ARHGAP39: variants seen among roughly 807,000 people sequenced by gnomAD.
ARHGAP39 encodes rho GTPase-activating protein 39.
A neutral mutation model predicts 106.9 loss-of-function variants in ARHGAP39; 44 were observed. The ratio of observed to expected loss-of-function variants is 0.41; its 90% CI spans 0.32 to 0.53. The LOEUF (loss-of-function observed/expected upper bound fraction) is 0.53, where lower values mean the gene tolerates loss of function less well. Ranked by LOEUF, ARHGAP39 falls within the 20% of genes least tolerant of loss-of-function variation. The probability of loss-of-function intolerance (pLI) is 0.21; values close to 1 mark genes in which losing one functional copy is unlikely to be tolerated. For missense variants in ARHGAP39, 1,496 were observed against 1,577.3 expected (o/e 0.95, Z 0.87); for synonymous variants, 768 against 693.2 (o/e 1.11, Z -1.69).
chr8:144,671,566 C>T lies in ARHGAP39; in HGVS notation c.-82+14120G>A, dbSNP rs1000178055. ...GCCAACACTCCAGTCACAGAGCTGC[C>T]GGCTCCGGCCACACATCCCTCCCGC... On this transcript the variant is annotated intron_variant, in intron 1 of 11. Transcript: ENST00000377307. The surrounding 1 kb of genome is among the most constrained non-coding windows in gnomAD (Gnocchi z 4.5). 3.3e-5 allele frequency among the ~76,000 whole-genome samples: 5 copies of T among 152,206 alleles called. No homozygotes were observed. Among genetic ancestry groups the T allele is most frequent in the South Asian group, 2.1e-4 (1 of 4,834 alleles).
rs570384847 is a variant in ARHGAP39 at position 144,685,783 on chromosome 8, G to A, written c.-179C>T. Among the ~76,000 whole-genome samples, 9 of 147,746 alleles carry A rather than the reference G, an allele frequency of 6.1e-5. No individual in the cohort carries two copies. The South Asian group carries it at 1.9e-3, about 31-fold the overall frequency. On this transcript the variant is annotated 5_prime_UTR_variant, in exon 1 of 12. Coordinates refer to ENST00000377307, the MANE Select transcript of ARHGAP39 (RefSeq NM_025251.3). ...CGCTCCCCGGCCTCTCTGCTGCTCC[G>A]CCGCTGCTGCCGCGGCAGCCCGTGC...
intron 10 of ARHGAP39, among the ~76,000 whole-genome samples, chr8:144,531,243 A>C (rs144838165): frequency 6.7e-5 from 1 of 14,966 alleles, no homozygotes; most frequent in Non-Finnish European, 1.3e-4. Context: ...AGAAGGGCAC[A>C]GGGCAGCGAG....
intron 1 of ARHGAP39, among the ~76,000 whole-genome samples, chr8:144,667,950 C>G (rs893793315): frequency 6.6e-6 from 1 of 151,900 alleles, no homozygotes; most frequent in Non-Finnish European, 1.5e-5. Flanking sequence ...CTTCTTCTGA[C>G]AAAGCAATGT....
chr8:144,530,037 C>A lies in ARHGAP39; in HGVS notation c.*385G>T. 1 of 221,670 alleles carries A rather than the reference C, an allele frequency of 4.5e-6. No individual in the cohort carries two copies. Among genetic ancestry groups the A allele is most frequent in the Non-Finnish European group, 8.9e-6 (1 of 112,262 alleles). 13.7% of individuals were successfully genotyped at this position (221,670 alleles called of 1,614,324 possible). ...AGGACAGGAGAAAGGGAAGGAGAGA[C>A]CGGGGCGGCTGGGCAAGGCCCAGGC... On this transcript the variant is annotated 3_prime_UTR_variant, in exon 12 of 12. Transcript: ENST00000377307.
intron 2 of ARHGAP39, among the ~76,000 whole-genome samples, chr8:144,583,736 G>A (rs998571601): frequency 6.6e-6 from 1 of 152,188 alleles, no homozygotes; most frequent in African/African-American, 2.4e-5. Flanking sequence ...AGGTTACAGA[G>A]GTTTCTATTT....
intron 1 of ARHGAP39, among the ~76,000 whole-genome samples, chr8:144,637,867 T>TC (rs1367968483): frequency 1.3e-5 from 2 of 150,520 alleles, no homozygotes; most frequent in East Asian, 2.0e-4. Context: ...TTTCTTTCTT[T>TC]TTTTTTTTTT....
At chr8:144,601,892 T>C (rs1301523712) in intron 2 of ARHGAP39, among the ~76,000 whole-genome samples, 1 of 130,760 alleles carries the variant, frequency 7.6e-6, no homozygotes, top group African/African-American at 3.0e-5. Context: ...TGTGTGTCCA[T>C]GGAGGCGTGC....
At chr8:144,653,598 G>C (rs980773915) in intron 1 of ARHGAP39, among the ~76,000 whole-genome samples, 4 of 152,148 alleles carry the variant, frequency 2.6e-5, no homozygotes, top group African/African-American at 9.7e-5. Context: ...CACCCTCTCG[G>C]TCTCATCAAA....
Position 144,530,373 on chromosome 8 carries a change from G to T in ARHGAP39, c.*49C>A. ...TGCCGGGAGAGCGAGTGCGGAGTTC[G>T]GCCTGGCTGGGGGCGGCAGGACATC... On this transcript the variant is annotated 3_prime_UTR_variant, in exon 12 of 12. Transcript: ENST00000377307. 5 of 1,533,748 alleles carry T rather than the reference G, an allele frequency of 3.3e-6. No individual in the cohort carries two copies. In the Admixed American group the frequency reaches 5.7e-5, roughly 18 times the overall value.
At chr8:144,635,264 G>A (rs547688477) in intron 1 of ARHGAP39, among the ~76,000 whole-genome samples, 2 of 152,332 alleles carry the variant, frequency 1.3e-5, no homozygotes, top group South Asian at 4.1e-4. Flanking sequence ...ATGGGGGGAG[G>A]CGAAAGAGGC....
At position 144,541,106 on chromosome 8, in the gene ARHGAP39, C is replaced by T. The variant is rs142700005; in HGVS notation, c.2522-3293G>A. Among the ~76,000 whole-genome samples, 1,206 of 152,364 alleles carry T rather than the reference C, an allele frequency of 7.9e-3. 15 individuals carry two copies. Among genetic ancestry groups the T allele is most frequent in the African/African-American group, 0.027 (1,134 of 41,600 alleles). ...GCCTCAGTGATCCACCGGCCTCCGC[C>T]TCCCAAAGTGCTGGGATGACAGGCG... is the stretch of plus-strand genomic sequence containing the variant. On this transcript the variant is annotated intron_variant, in intron 6 of 11. Coordinates refer to ENST00000377307, the MANE Select transcript of ARHGAP39 (RefSeq NM_025251.3).
Position 144,601,610 on chromosome 8 carries a change from CTG to C in ARHGAP39, c.80+3923_80+3924del, listed in dbSNP as rs543552914. On this transcript the variant is annotated intron_variant, in intron 2 of 11. Transcript: ENST00000377307. ...GAGGTGTGTGTGCGAGCTCATGTAT[CTG>C]TGTGTGCATGGAGGCGTGCATGTGT... Among the ~76,000 whole-genome samples the C allele has an allele frequency of 2.2e-3, 245 of 110,422 alleles. 1 individual carries two copies. Among genetic ancestry groups the C allele is most frequent in the African/African-American group, 7.0e-3 (194 of 27,780 alleles). 72.4% of individuals were successfully genotyped at this position (110,422 alleles called of 152,430 possible).
chr8:144,533,841 CA>C (rs774562977), intron 8 of ARHGAP39, among the ~76,000 whole-genome samples: 1 of 151,956 alleles, frequency 6.6e-6, no homozygotes, highest in Non-Finnish European at 1.5e-5. Flanking sequence ...GCTCTTGGGA[CA>C]GGTCCAGGGA....
the ARHGAP39 span, among the ~76,000 whole-genome samples, chr8:144,696,246 CT>C: frequency 3.2e-4 from 48 of 152,268 alleles, no homozygotes; most frequent in Non-Finnish European, 5.4e-4. Flanking sequence ...TCAAGCGATT[CT>C]CATGCCTTAG....
In ARHGAP39 at chr8:144,547,969, G is replaced by A. The variant is rs1257610698; in HGVS notation, c.1117C>T (p.Leu373Phe). 1.2e-6 allele frequency: 2 copies of A among 1,607,034 alleles called. No individual in the cohort carries two copies. The highest frequency in any genetic ancestry group is 1.1e-5 in the South Asian group (1 of 90,424). ...GPPSPCQQLV[L>F]TKQKCPERFL... ...CGCTCGGGACACTTCTGCTTGGTGA[G>A]CACCAGCTGCTGGCAGGGCGAGGGG... Residue 373 changes from leucine (L) to phenylalanine (F), a missense_variant, in exon 5 of 12, where the codon CTC (leucine) becomes TTC (phenylalanine). By Grantham distance (22) the Leu-to-Phe change is conservative. Around this residue, in one of 4 missense-constraint regions of ARHGAP39, gnomAD observed 905 missense variants for 816.4 expected, o/e 1.11. Transcript: ENST00000377307. This position sits in a 1 kb window ranked among gnomAD's most constrained non-coding sequence, Gnocchi z 5.2.
At position 144,664,871 on chromosome 8, in the gene ARHGAP39, T is replaced by C. The variant is rs1397808853; in HGVS notation, c.-82+20815A>G. On this transcript the variant is annotated intron_variant, in intron 1 of 11. Transcript: ENST00000377307. The stretch of plus-strand genomic sequence containing the variant: ...CATGAAAATGGACTAATACAGTAAA[T>C]TGGTACTTGAGTGGGGTGTTGCTGA... Among the ~76,000 whole-genome samples the C allele has an allele frequency of 2.6e-5, 4 of 152,152 alleles. No individual in the cohort carries two copies. In the East Asian group the frequency reaches 7.7e-4, roughly 29 times the overall value.
intron 4 of ARHGAP39, among the ~76,000 whole-genome samples, chr8:144,554,940 G>A (rs1047722682): frequency 1.3e-5 from 2 of 152,170 alleles, no homozygotes; most frequent in Non-Finnish European, 2.9e-5. Flanking sequence ...CCCATGCTGC[G>A]GACACCCACC....
intron 1 of ARHGAP39, among the ~76,000 whole-genome samples, chr8:144,623,682 A>G (rs535019856): frequency 2.0e-5 from 3 of 152,350 alleles, no homozygotes; most frequent in African/African-American, 7.2e-5. Context: ...ACGCCGACCC[A>G]AGAAACGGAA....
At chr8:144,613,434 C>G (rs1484770613) in intron 1 of ARHGAP39, among the ~76,000 whole-genome samples, 1 of 151,740 alleles carries the variant, frequency 6.6e-6, no homozygotes, top group Non-Finnish European at 1.5e-5. Flanking sequence ...TGTTTGGAAA[C>G]ATCTTTATGT....
Sources: allele counts gnomAD v4.1 joint callset (sites outside exome capture counted in the v4.1 genomes callset), GRCh38; gene constraint gnomAD v4.1.1; regional missense constraint gnomAD v4.1.1; non-coding constraint Gnocchi (gnomAD v3.1); transcripts MANE v1.5; gene names NCBI Gene and HGNC (gene_info 2026-07-23, HGNC 2026-07-21).